SUZ12: variants seen among roughly 807,000 people sequenced by gnomAD.
SUZ12 encodes the protein polycomb protein SUZ12.
SUZ12 carries 17 observed loss-of-function variants against 87.3 expected under a neutral mutation model. The ratio of observed to expected loss-of-function variants is 0.19; its 90% confidence interval spans 0.13 to 0.29. SUZ12 has a LOEUF of 0.29. Ranked by LOEUF, SUZ12 falls within the 10% of genes least tolerant of loss-of-function variation. SUZ12 has a pLI of 1.00. For synonymous variants in SUZ12, 253 were observed against 312.4 expected (o/e 0.81, Z 2.01); for missense variants, 526 against 912.2 (o/e 0.58, Z 5.45).
intron 4 of SUZ12, chr17:31,965,929 G>A (rs1345709080): frequency 2.6e-5 from 10 of 388,354 alleles, no homozygotes; most frequent in Non-Finnish European, 1.9e-5. Flanking sequence ...GAGTTGTGAG[G>A]GGTTTTTTGT....
intron 3 of SUZ12, among the ~76,000 whole-genome samples, chr17:31,943,317 G>GGATATTAT (rs1409486894): frequency 1.3e-5 from 2 of 152,024 alleles, no homozygotes; most frequent in Non-Finnish European, 2.9e-5. Flanking sequence ...GCAAAATTGA[G>GGATATTAT]GATATTATGT....
intron 5 of SUZ12, chr17:31,966,857 G>C (rs1326837481): frequency 6.6e-6 from 1 of 152,120 alleles, no homozygotes; most frequent in African/African-American, 2.4e-5. Flanking sequence ...AAAGCTCAAA[G>C]CATGCTGGAA....
chr17:31,990,871 C>A lies in SUZ12; in HGVS notation c.1202-2371C>A, dbSNP rs118137218. Among the ~76,000 whole-genome samples, 554 of 152,248 alleles carry A rather than the reference C, an allele frequency of 3.6e-3. 2 individuals are homozygous for A. The highest frequency in any genetic ancestry group is 6.6e-3 in the Non-Finnish European group (448 of 68,012). On this transcript the variant is annotated intron_variant, in intron 10 of 15. Transcript: ENST00000322652. ...CAAGCGATCCTCCCACCTTAGCCCT[C>A]CATATAGATGGGACTACAGGCTCGT...
In SUZ12 at chr17:31,972,341, A is replaced by ATG. The variant is rs746426695; in HGVS notation, c.506-801_506-800dup. Among the ~76,000 whole-genome samples, 262 of 147,546 alleles carry ATG rather than the reference A, an allele frequency of 1.8e-3. 1 individual carries two copies. The highest frequency in any genetic ancestry group is 2.5e-3 in the Non-Finnish European group (165 of 66,858). On this transcript the variant is annotated intron_variant, in intron 5 of 15. Coordinates refer to ENST00000322652, the MANE Select transcript of SUZ12 (RefSeq NM_015355.4). ...TATATATGTATGTATGTGTATATAT[A>ATG]TGTGTATATATATATATGTGTATGT... is the stretch of plus-strand genomic sequence containing the variant.
Position 32,000,887 on chromosome 17 carries a change from C to A in SUZ12, c.*1884C>A, listed in dbSNP as rs1488633409. 4 of 221,662 alleles carry A rather than the reference C, an allele frequency of 1.8e-5. No individual in the cohort carries two copies. The East Asian group carries it at 2.0e-4, about 11-fold the overall frequency. The allele number at this position is 221,662 out of a possible 1,614,324, so 13.7% of individuals were successfully genotyped here. A position where few individuals can be genotyped will look rare whatever the true frequency, so the allele number is the denominator to read the frequency against. Reference sequence around the variant, plus strand: ...GCTTTTCTATATGTACCCTTGATAACAGATTTTGAAGAAATCCTGTAAGAT... The same window carrying A: ...GCTTTTCTATATGTACCCTTGATAAAAGATTTTGAAGAAATCCTGTAAGAT... On this transcript the variant is annotated 3_prime_UTR_variant, in exon 16 of 16. Transcript: ENST00000322652.
At chr17:31,974,986 A>G (rs1439488926) in intron 6 of SUZ12, among the ~76,000 whole-genome samples, 1 of 152,080 alleles carries the variant, frequency 6.6e-6, no homozygotes, top group African/African-American at 2.4e-5. Flanking sequence ...TTTTAACTAT[A>G]TGGATTTACT....
chr17:31,999,588 C>T lies in SUZ12; in HGVS notation c.*585C>T, dbSNP rs1910155064. On this transcript the variant is annotated 3_prime_UTR_variant, in exon 16 of 16. Transcript: ENST00000322652. Reference sequence around the variant, plus strand: ...AATGTAATTTTACATTACATAAGTTCCTTTTACAATTAAAAAATAGCACTT... The same window carrying T: ...AATGTAATTTTACATTACATAAGTTTCTTTTACAATTAAAAAATAGCACTT... 4.3e-6 allele frequency: 1 copy of T among 231,294 alleles called. No individual in the cohort carries two copies. 14.3% of individuals were successfully genotyped at this position (231,294 alleles called of 1,614,324 possible).
chr17:31,939,210 A>G (rs1906123111), intron 1 of SUZ12, among the ~76,000 whole-genome samples: 1 of 152,312 alleles, frequency 6.6e-6, no homozygotes, highest in East Asian at 1.9e-4. Context: ...ACAACTTTAA[A>G]TTATAATTAG....
chr17:31,938,351 CTT>C (rs1230115649), intron 1 of SUZ12, among the ~76,000 whole-genome samples: 2 of 152,176 alleles, frequency 1.3e-5, no homozygotes, highest in African/African-American at 2.4e-5. Context: ...TTTGGGTGAT[CTT>C]TAATAGCTAA....
rs1567809875 is a variant in SUZ12, at chr17:31,940,440, A to T, written c.340A>T (p.Thr114Ser). 1 of 1,593,604 alleles carries T rather than the reference A, an allele frequency of 6.3e-7. No homozygotes were observed. The highest frequency in any genetic ancestry group is 8.5e-7 in the Non-Finnish European group (1 of 1,169,924). The change falls in exon 3 of 16, where the codon ACT becomes TCT. Residue 114 changes from threonine to serine, a missense_variant. By Grantham distance (58) the Thr-to-Ser change is moderately conservative (BLOSUM62 1). Transcript: ENST00000322652. ...NLIAPIFLHR[T>S]LTYMSHRNSR... ...TTTGTAGCCAATATTTTTGCACAGA[A>T]CTCTTACTTACATGTCTCATCGAAA...
chr17:31,972,857 A>C (rs1908521843), intron 5 of SUZ12, among the ~76,000 whole-genome samples: 1 of 150,092 alleles, frequency 6.7e-6, no homozygotes. Context: ...GTGCCACTGC[A>C]CTGTACCTTG....
Position 31,937,342 on chromosome 17 carries a change from G to A in SUZ12, c.96G>A (p.Ala32=). ...GCTTCGGGGGTTCGGCGGCGGTGGC[G>A]GCGGCGACGGCTTCGGGCGGCAAAT... is the stretch of plus-strand genomic sequence containing the variant. ...GGGFGGSAAV[A]AATASGGKSG... is the part of the protein sequence containing the mutation. The change falls in exon 1 of 16, where the codon GCG becomes GCA. Residue 32 remains alanine (A), a synonymous_variant. Coordinates refer to ENST00000322652, the MANE Select transcript of SUZ12 (RefSeq NM_015355.4). 2.7e-6 allele frequency: 4 copies of A among 1,480,730 alleles called. No homozygotes were observed. Among genetic ancestry groups the A allele is most frequent in the Non-Finnish European group, 2.7e-6 (3 of 1,120,408 alleles). The allele number at this position is 1,480,730 out of a possible 1,614,324, so 91.7% of individuals were successfully genotyped here. A position where few individuals can be genotyped will look rare whatever the true frequency, so the allele number is the denominator to read the frequency against.
rs550811282 is a variant in SUZ12 at position 31,944,856 on chromosome 17, C to T, written c.387-2761C>T. ...AAGTGAACAAGTTTACATTTAAAGG[C>T]GAGAGTTATAGGTCAGCCCTGGCAA... On this transcript the variant is annotated intron_variant, in intron 3 of 15. Coordinates refer to ENST00000322652, the MANE Select transcript of SUZ12 (RefSeq NM_015355.4). 3.3e-5 allele frequency among the ~76,000 whole-genome samples: 5 copies of T among 151,968 alleles called. No individual in the cohort carries two copies. In the South Asian group the frequency reaches 6.2e-4, roughly 19 times the overall value.
At chr17:31,948,633 T>C (rs1357741958) in intron 4 of SUZ12, among the ~76,000 whole-genome samples, 2 of 152,238 alleles carry the variant, frequency 1.3e-5, no homozygotes, top group East Asian at 1.9e-4. Flanking sequence ...CTTCCTTCTA[T>C]TTTAAGTTTG....
At chr17:31,977,301 A>G (rs111760509) in intron 8 of SUZ12, among the ~76,000 whole-genome samples, 15,223 of 134,068 alleles carry the variant, frequency 0.11, 998 homozygotes, top group Middle Eastern at 0.17. Context: ...TTTTTAGAAT[A>G]GTGTCTCACT....
At chr17:31,989,313 G>A (rs754256985) in intron 10 of SUZ12, among the ~76,000 whole-genome samples, 387 of 152,154 alleles carry the variant, frequency 2.5e-3, no homozygotes, top group Non-Finnish European at 4.0e-3. Flanking sequence ...TAAGTGTAAA[G>A]TCTTGTGTTG....
rs1157187143 is a variant in SUZ12, at chr17:31,982,801, G to A, written c.918-198G>A. On this transcript the variant is annotated intron_variant, in intron 8 of 15. Transcript: ENST00000322652. ...GAGTAGCTACAGTAATGAATTCCTA[G>A]TAATACAGTTTTTAGTGTACATCAT... 2.0e-5 allele frequency among the ~76,000 whole-genome samples: 3 copies of A among 152,276 alleles called. 1 individual carries two copies. Among genetic ancestry groups the A allele is most frequent in the African/African-American group, 7.2e-5 (3 of 41,550 alleles).
rs949791316 is a variant in SUZ12, at chr17:31,937,066, C to G, written c.-181C>G. 2.0e-6 allele frequency: 1 copy of G among 505,148 alleles called. No individual in the cohort carries two copies. 31.3% of individuals were successfully genotyped at this position (505,148 alleles called of 1,614,324 possible). On this transcript the variant is annotated 5_prime_UTR_variant, in exon 1 of 16. Coordinates refer to ENST00000322652, the MANE Select transcript of SUZ12 (RefSeq NM_015355.4). ...AGCGGAGCGGGGCTCTGAGGAGACA[C>G]TTTTTTTTTCCTCCCTCCTTCCCTC...
intron 4 of SUZ12, among the ~76,000 whole-genome samples, chr17:31,961,026 A>G (rs1442071710): frequency 3.9e-5 from 6 of 152,060 alleles, no homozygotes; most frequent in African/African-American, 1.4e-4. Context: ...AGCCTGGGCA[A>G]TATGACGAAA....
Sources: gnomAD v4.1 joint callset for allele counts (sites outside exome capture counted in the v4.1 genomes callset) on GRCh38, gnomAD v4.1.1 for gene constraint, MANE v1.5 for transcripts, NCBI Gene and HGNC (gene_info 2026-07-23, HGNC 2026-07-21) for gene names.